TRIP13: variants seen among roughly 807,000 people sequenced by gnomAD.
The protein encoded by TRIP13 is thyroid hormone receptor interactor 13, also known as pachytene checkpoint protein 2 homolog.
A neutral mutation model predicts 54.4 loss-of-function variants in TRIP13; 25 were observed. The ratio of observed to expected loss-of-function variants is 0.46; its 90% confidence interval spans 0.33 to 0.64. The LOEUF (loss-of-function observed/expected upper bound fraction) is 0.64. TRIP13 is among the 30% of genes least tolerant of loss of function. The pLI is 0.02. For synonymous variants in TRIP13, 207 were observed against 207.8 expected, an observed-to-expected ratio of 1.00 and a Z score of 0.03; for missense variants, 373 against 534.2, an observed-to-expected ratio of 0.70 and a Z score of 2.97.
In TRIP13 at chr5:911,778, G is replaced by C; in HGVS notation, c.867-65G>C. The C allele has an allele frequency of 6.4e-7, 1 of 1,551,984 alleles. No individual in the cohort carries two copies. The highest frequency in any genetic ancestry group is 2.0e-5 in the Admixed American group (1 of 49,890). On this transcript the variant is annotated intron_variant, in intron 9 of 12. Transcript: ENST00000166345. This position sits in a 1 kb window ranked among gnomAD's most constrained non-coding sequence, Gnocchi z 4.7. ...TCCTGCCAACCTCCTTGCCAGATAG[G>C]GCAGGATAGAATTGGGTCACCGACA...
In TRIP13 at chr5:907,906, C is replaced by A; in HGVS notation, c.673-82C>A. The A allele has an allele frequency of 7.1e-7, 1 of 1,410,492 alleles. No individual in the cohort carries two copies. The highest frequency in any genetic ancestry group is 1.0e-6 in the Non-Finnish European group (1 of 997,662). 87.4% of individuals were successfully genotyped at this position (1,410,492 alleles called of 1,614,324 possible). ...AGTGGGCTTGTGGGGACAACTGGGG[C>A]AGCAGGCCACATCAGGGTCCCCCTG... On this transcript the variant is annotated intron_variant, in intron 7 of 12. Transcript: ENST00000166345. This position sits in a 1 kb window ranked among gnomAD's most constrained non-coding sequence, Gnocchi z 4.1.
At chr5:904,280 G>GTT (rs369501889) in intron 6 of TRIP13, 60 bp downstream of exon 6, 9,653 of 1,109,212 alleles carry the variant, frequency 8.7e-3, no homozygotes, top group South Asian at 0.014. Context: ...ACGGGAGGTT[G>GTT]TTTTTTTTTT....
chr5:907,175 T>C lies in TRIP13; in HGVS notation c.654T>C (p.Phe218=). Residue 218 remains phenylalanine (F), a synonymous_variant, in exon 7 of 13, where the codon TTT becomes TTC. Transcript: ENST00000166345. The surrounding 1 kb of genome is among the most constrained non-coding windows in gnomAD (Gnocchi z 4.1). ...TTGAAATAAACAGCCACAGCCTCTT[T>C]TCTAAGTGGTTTTCGGAAGTAAGTA... ...QLIEINSHSL[F]SKWFSESGKL... 1 of 1,613,980 alleles carries C rather than the reference T, an allele frequency of 6.2e-7. No homozygotes were observed. The highest frequency in any genetic ancestry group is 8.5e-7 in the Non-Finnish European group (1 of 1,179,814).
rs1363948118 is a variant in TRIP13 at position 912,202 on chromosome 5, T to C, written c.1020+206T>C. Among the ~76,000 whole-genome samples, 4 of 152,172 alleles carry C rather than the reference T, an allele frequency of 2.6e-5. No homozygotes were observed. The highest frequency in any genetic ancestry group is 5.9e-5 in the Non-Finnish European group (4 of 68,022). On this transcript the variant is annotated intron_variant, in intron 10 of 12. Coordinates refer to ENST00000166345, the MANE Select transcript of TRIP13 (RefSeq NM_004237.4). This position sits in a 1 kb window ranked among gnomAD's most constrained non-coding sequence, Gnocchi z 7.2. ...CCACTGACTCAATATTTTTGTTCTT[T>C]TGGCACAATACAGTCATCATTGTTC...
intron 1 of TRIP13, 148 bp from the exon 2 acceptor site, chr5:894,639 T>C: frequency 1.2e-6 from 1 of 829,054 alleles, no homozygotes; most frequent in Non-Finnish European, 1.8e-6. Flanking sequence ...GGGGTGGCTC[T>C]AGATTTGGTC....
At chr5:894,535 G>A (rs1159456209) in intron 1 of TRIP13, among the ~76,000 whole-genome samples, 1 of 152,168 alleles carries the variant, frequency 6.6e-6, no homozygotes, top group East Asian at 1.9e-4. Context: ...CAGTAGCCCA[G>A]CATAGCGAGA....
chr5:893,124 A>AGCCCCCCCCCCCCC, intron 1 of TRIP13, 34 bp downstream of exon 1: 1 of 1,516,710 alleles, frequency 6.6e-7, no homozygotes, highest in Non-Finnish European at 8.8e-7. Flanking sequence ...TCCTCTGGGC[A>AGCCCCCCCCCCCCC]CCCACCCGCC....
Position 913,439 on chromosome 5 carries a change from T to C in TRIP13, c.1021-1026T>C, listed in dbSNP as rs1215385257. ...GGTGCCATCGCAGCTCACTGCAACC[T>C]CCGCCTCCTGGGTTCAAGCGATTCT... On this transcript the variant is annotated intron_variant, in intron 10 of 12. Transcript: ENST00000166345. This position sits in a 1 kb window ranked among gnomAD's most constrained non-coding sequence, Gnocchi z 4.5. Among the ~76,000 whole-genome samples the C allele has an allele frequency of 3.3e-5, 5 of 152,154 alleles. No individual in the cohort carries two copies. Among genetic ancestry groups the C allele is most frequent in the African/African-American group, 1.2e-4 (5 of 41,426 alleles).
Position 907,526 on chromosome 5 carries a change from G to T in TRIP13, c.672+333G>T, listed in dbSNP as rs1474735187. On this transcript the variant is annotated intron_variant, in intron 7 of 12. Coordinates refer to ENST00000166345, the MANE Select transcript of TRIP13 (RefSeq NM_004237.4). This position sits in a 1 kb window ranked among gnomAD's most constrained non-coding sequence, Gnocchi z 4.1. ...CTGTGAGTTGAGGGGGTCAGACAAG[G>T]TGATGTCACATGTGATTCTTACCTC... 6.6e-6 allele frequency among the ~76,000 whole-genome samples: 1 copy of T among 152,224 alleles called. No homozygotes were observed. Among genetic ancestry groups the T allele is most frequent in the Non-Finnish European group, 1.5e-5 (1 of 68,034 alleles).
At chr5:906,419 T>A (rs1754116366) in intron 6 of TRIP13, among the ~76,000 whole-genome samples, 1 of 152,260 alleles carries the variant, frequency 6.6e-6, no homozygotes, top group South Asian at 2.1e-4. Context: ...TATATTTTGT[T>A]AGATTGTCTG....
intron 12 of TRIP13, among the ~76,000 whole-genome samples, 182 bp from the exon 13 acceptor site, chr5:916,826 G>A (rs1210860554): frequency 6.6e-6 from 1 of 152,176 alleles, no homozygotes; most frequent in Non-Finnish European, 1.5e-5. Flanking sequence ...CGCCTTTTCT[G>A]AAGTAAAGAG....
At chr5:904,823 C>T (rs1335619719) in intron 6 of TRIP13, among the ~76,000 whole-genome samples, 1 of 152,086 alleles carries the variant, frequency 6.6e-6, no homozygotes, top group Non-Finnish European at 1.5e-5. Context: ...TTTTTCTGCT[C>T]TGTTCTATTT....
At chr5:893,226 G>T in intron 1 of TRIP13, 136 bp downstream of exon 1, 1 of 867,940 alleles carries the variant, frequency 1.2e-6, no homozygotes, top group African/African-American at 1.9e-5. Flanking sequence ...GACTGGACCC[G>T]GGCGCACAGG....
intron 2 of TRIP13, among the ~76,000 whole-genome samples, chr5:895,206 T>C (rs954164225): frequency 4.7e-4 from 71 of 152,146 alleles, no homozygotes; most frequent in Non-Finnish European, 1.3e-4. Flanking sequence ...TGCTGTACAA[T>C]AGTGGGCTGC....
intron 6 of TRIP13, among the ~76,000 whole-genome samples, chr5:905,323 G>A (rs1055073642): frequency 8.5e-5 from 13 of 152,146 alleles, no homozygotes; most frequent in Non-Finnish European, 1.5e-4. Context: ...GACCACGGGC[G>A]CCCTTTACAT....
rs1026409227 is a variant in TRIP13 at position 917,686 on chromosome 5, A to T, written c.*583A>T. 1 of 152,296 alleles carries T rather than the reference A, an allele frequency of 6.6e-6. No homozygotes were observed. Among genetic ancestry groups the T allele is most frequent in the Non-Finnish European group, 1.5e-5 (1 of 68,100 alleles). 9.4% of individuals were successfully genotyped at this position (152,296 alleles called of 1,614,324 possible). ...AAAATGGTCGGTAAAGTGTTCTTTC[A>T]TAATAAATAATCAGACATGGTCCCA... is the stretch of plus-strand genomic sequence containing the variant. On this transcript the variant is annotated 3_prime_UTR_variant, in exon 13 of 13. Transcript: ENST00000166345.
At position 913,130 on chromosome 5, in the gene TRIP13, G is replaced by A. The variant is rs142909742; in HGVS notation, c.1020+1134G>A. ...GCCTGGAGAATGCCAGTGATCTGAAGACTGATTCTACAGCAGTTTTGCTGC... is the reference window on the plus strand; with the variant it reads ...GCCTGGAGAATGCCAGTGATCTGAAAACTGATTCTACAGCAGTTTTGCTGC... On this transcript the variant is annotated intron_variant, in intron 10 of 12. Transcript: ENST00000166345. The surrounding 1 kb of genome is among the most constrained non-coding windows in gnomAD (Gnocchi z 4.5). Among the ~76,000 whole-genome samples, 313 of 152,310 alleles carry A rather than the reference G, an allele frequency of 2.1e-3. 2 individuals carry two copies. The highest frequency in any genetic ancestry group is 7.2e-3 in the African/African-American group (299 of 41,558).
intron 5 of TRIP13, 129 bp from the exon 6 acceptor site, chr5:904,019 T>C (rs1395002598): frequency 5.3e-6 from 4 of 752,144 alleles, no homozygotes; most frequent in Admixed American, 6.8e-5. Flanking sequence ...GCAGACTTCA[T>C]TGTAGTAATA....
In TRIP13 at chr5:911,451, G is replaced by A. The variant is rs1464857159; in HGVS notation, c.867-392G>A. On this transcript the variant is annotated intron_variant, in intron 9 of 12. Transcript: ENST00000166345. This position sits in a 1 kb window ranked among gnomAD's most constrained non-coding sequence, Gnocchi z 4.7. ...CCGGGCACGGTGGCGGGCGCCTGTAGTCCCGGCTACTTGGGAGGCTGAGGC... is the reference window on the plus strand; with the variant it reads ...CCGGGCACGGTGGCGGGCGCCTGTAATCCCGGCTACTTGGGAGGCTGAGGC... Among the ~76,000 whole-genome samples the A allele has an allele frequency of 6.6e-6, 1 of 152,108 alleles. No individual in the cohort carries two copies. The highest frequency in any genetic ancestry group is 1.5e-5 in the Non-Finnish European group (1 of 68,008).
Sources: allele counts gnomAD v4.1 joint callset (sites outside exome capture counted in the v4.1 genomes callset), GRCh38; gene constraint gnomAD v4.1.1; non-coding constraint Gnocchi (gnomAD v3.1); transcripts MANE v1.5; gene names NCBI Gene and HGNC (gene_info 2026-07-23, HGNC 2026-07-21).